The following KIAA1671 variants were observed in gnomAD, a reference collection of about 807,000 sequenced individuals.
KIAA1671 encodes KIAA1671.
In KIAA1671, 52 loss-of-function variants were observed where a neutral mutation model predicts 131.2. The observed-to-expected ratio is 0.40, with a 90% CI of 0.32 to 0.50. The LOEUF (loss-of-function observed/expected upper bound fraction) is 0.50. KIAA1671 is among the 20% of genes least tolerant of loss of function. The probability of loss-of-function intolerance (pLI) is 0.73; values close to 1 mark genes in which losing one functional copy is unlikely to be tolerated. For missense variants in KIAA1671, 2,360 were observed against 2,364.2 expected, an observed-to-expected ratio of 1.00 and a Z score of 0.04; for synonymous variants, 1,003 against 961.6, an observed-to-expected ratio of 1.04 and a Z score of -0.80.
rs1926039255 is a variant in KIAA1671, at chr22:25,027,925, T to C, written c.-55-20T>C. 2 of 1,153,404 alleles carry C rather than the reference T, an allele frequency of 1.7e-6. No homozygotes were observed. Among genetic ancestry groups the C allele is most frequent in the East Asian group, 2.6e-5 (1 of 38,104 alleles). 71.4% of individuals were successfully genotyped at this position (1,153,404 alleles called of 1,614,324 possible). ...TGACTGTTTTCCAAATTTACTTGTT[T>C]GTTTGTTTTGTTTGTTTAGCAATTG... On this transcript the variant is annotated intron_variant, in intron 2 of 12. Coordinates refer to ENST00000358431, the MANE Select transcript of KIAA1671 (RefSeq NM_001145206.2).
At position 25,181,807 on chromosome 22, in the gene KIAA1671, A is replaced by G. The variant is rs1934285927; in HGVS notation, c.5183A>G (p.Asp1728Gly). The stretch of plus-strand genomic sequence containing the variant: ...AGGATGCCTGCGTTTCCAGGCATGG[A>G]TCCGGCAGTGCTAAAGGTACCAGAC... ...PQRMPAFPGM[D>G]PAVLKAQLHK... Residue 1728 changes from aspartate (D) to glycine (G), a missense_variant, in exon 10 of 13, where the codon GAT becomes GGT. Asp to Gly is a moderately conservative substitution (Grantham distance 94, BLOSUM62 -1). This residue lies in a region of KIAA1671 where 1,161 missense variants were observed against 1,204.7 expected (regional missense o/e 0.96). Transcript: ENST00000358431. 1.9e-6 allele frequency: 3 copies of G among 1,551,368 alleles called. No homozygotes were observed. Among genetic ancestry groups the G allele is most frequent in the Non-Finnish European group, 2.6e-6 (3 of 1,146,906 alleles).
rs1211770878 is a variant in KIAA1671 at position 25,093,837 on chromosome 22, TG to T, written c.4530+44474del. Among the ~76,000 whole-genome samples the T allele has an allele frequency of 1.7e-3, 119 of 71,300 alleles. 8 individuals are homozygous for T. The highest frequency in any genetic ancestry group is 0.017 in the East Asian group (40 of 2,402). 46.8% of individuals were successfully genotyped at this position (71,300 alleles called of 152,430 possible). A position where few individuals can be genotyped will look rare whatever the true frequency, so the allele number is the denominator to read the frequency against. On this transcript the variant is annotated intron_variant, in intron 6 of 12. Transcript: ENST00000358431. ...GTCTCTCTCTCTTTCTCTCTCTGTC[TG>T]TCTCTCTCTCTCTCTCTCTCTCTCT... is the stretch of plus-strand genomic sequence containing the variant.
At chr22:25,140,159 A>C (rs1382326223) in intron 6 of KIAA1671, among the ~76,000 whole-genome samples, 2 of 152,178 alleles carry the variant, frequency 1.3e-5, no homozygotes, top group African/African-American at 4.8e-5. Context: ...CGACGGGAGA[A>C]TCTGCTTCCA....
rs552508455 is a variant in KIAA1671, at chr22:24,955,948, C to T, written c.-208+3176C>T. Among the ~76,000 whole-genome samples, 12 of 147,516 alleles carry T rather than the reference C, an allele frequency of 8.1e-5. No homozygotes were observed. The South Asian group carries it at 1.1e-3, about 13-fold the overall frequency. On this transcript the variant is annotated intron_variant, in intron 1 of 12. Transcript: ENST00000358431. ...GCTGAGGCAGGAGAATGGCATGAAC[C>T]GGGGAGGCGGAGCTTGCAGTGAAGC...
intron 1 of KIAA1671, among the ~76,000 whole-genome samples, chr22:24,979,150 C>T (rs1345746758): frequency 2.0e-5 from 3 of 149,232 alleles, no homozygotes; most frequent in Admixed American, 1.3e-4. Context: ...CGCACATCAC[C>T]ATGCCTGGCT....
intron 6 of KIAA1671, chr22:25,058,288 A>G (rs1028444323): frequency 5.4e-4 from 82 of 152,322 alleles, no homozygotes; most frequent in African/African-American, 1.8e-3. Context: ...CCAGTTTCCA[A>G]CTGTCATCAC....
chr22:25,145,837 G>A (rs1932868514), intron 6 of KIAA1671, among the ~76,000 whole-genome samples: 2 of 152,130 alleles, frequency 1.3e-5, no homozygotes, highest in African/African-American at 2.4e-5. Flanking sequence ...CTACTCAGGA[G>A]GCTGAGGTGG....
At chr22:25,097,146 C>A (rs1568953466) in intron 6 of KIAA1671, among the ~76,000 whole-genome samples, 1 of 152,196 alleles carries the variant, frequency 6.6e-6, no homozygotes, top group Non-Finnish European at 1.5e-5. Flanking sequence ...AGTGAGACGG[C>A]CTTATCATAT....
At chr22:25,067,987 TC>T (rs1465714631) in intron 6 of KIAA1671, among the ~76,000 whole-genome samples, 1 of 152,262 alleles carries the variant, frequency 6.6e-6, no homozygotes, top group African/African-American at 2.4e-5. Flanking sequence ...GCATCATCCC[TC>T]CAGCGGTGCC....
At chr22:25,139,728 C>T (rs993335995) in intron 6 of KIAA1671, among the ~76,000 whole-genome samples, 2 of 152,096 alleles carry the variant, frequency 1.3e-5, no homozygotes, top group Non-Finnish European at 2.9e-5. Context: ...TTTTGGGGGA[C>T]ATATGTACTT....
rs941433244 is a variant in KIAA1671, at chr22:25,032,633, C to T, written c.1566C>T (p.Asn522=). 55 of 1,546,020 alleles carry T rather than the reference C, an allele frequency of 3.6e-5. No homozygotes were observed. In the Admixed American group the frequency reaches 8.4e-4, roughly 24 times the overall value. The part of the protein sequence containing the change: ...TKLFSSSASS[N]EVKYEKSAEL... The stretch of plus-strand genomic sequence containing the variant: ...GGTTTTCAAGTTCAGCTTCCAGCAA[C>T]GAAGTCAAATATGAGAAGAGTGCTG... The change falls in exon 4 of 13, where the codon AAC becomes AAT. Residue 522 remains asparagine, a synonymous_variant. Transcript: ENST00000358431.
At chr22:25,096,173 T>C (rs1930380870) in intron 6 of KIAA1671, among the ~76,000 whole-genome samples, 1 of 152,168 alleles carries the variant, frequency 6.6e-6, no homozygotes, top group Non-Finnish European at 1.5e-5. Flanking sequence ...ATCTGCAGGG[T>C]ACACGGCGAA....
At chr22:24,996,690 G>A (rs1169221099) in intron 1 of KIAA1671, among the ~76,000 whole-genome samples, 2 of 152,202 alleles carry the variant, frequency 1.3e-5, no homozygotes, top group Non-Finnish European at 2.9e-5. Flanking sequence ...CCTGCCTTGG[G>A]GCAAGGGTAA....
At chr22:25,074,514 A>AAG (rs1555876093) in intron 6 of KIAA1671, among the ~76,000 whole-genome samples, 2 of 117,426 alleles carry the variant, frequency 1.7e-5, no homozygotes, top group African/African-American at 3.7e-5. Context: ...AAAAAAAAAA[A>AAG]AAAGAAAGAA....
rs796789035 is a variant in KIAA1671 at position 25,000,511 on chromosome 22, A to T, written c.-207-25122A>T. On this transcript the variant is annotated intron_variant, in intron 1 of 12. Transcript: ENST00000358431. Reference sequence around the variant, plus strand: ...CCCGGCCTTTTTTTTTTTTTTTTTTAAATGTAGCTTTCGATGTTGTTGTTG... The same window carrying T: ...CCCGGCCTTTTTTTTTTTTTTTTTTTAATGTAGCTTTCGATGTTGTTGTTG... Among the ~76,000 whole-genome samples, 81 of 119,182 alleles carry T rather than the reference A, an allele frequency of 6.8e-4. 7 individuals carry two copies. The highest frequency in any genetic ancestry group is 2.1e-3 in the African/African-American group (66 of 30,906). The allele number at this position is 119,182 out of a possible 152,430, so 78.2% of individuals were successfully genotyped here.
chr22:25,067,098 C>T (rs1928514635), intron 6 of KIAA1671, among the ~76,000 whole-genome samples: 1 of 152,146 alleles, frequency 6.6e-6, no homozygotes, highest in African/African-American at 2.4e-5. Flanking sequence ...GGACTGGGCA[C>T]TGGGGGCAGC....
chr22:25,008,453 A>T (rs1255198593), intron 1 of KIAA1671, among the ~76,000 whole-genome samples: 1 of 152,114 alleles, frequency 6.6e-6, no homozygotes, highest in Non-Finnish European at 1.5e-5. Context: ...GGGTATTAAC[A>T]GACATGCATG....
chr22:25,124,247 C>T (rs991538848), intron 6 of KIAA1671, among the ~76,000 whole-genome samples: 2 of 152,204 alleles, frequency 1.3e-5, no homozygotes, highest in Non-Finnish European at 1.5e-5. Flanking sequence ...TAAACAGCAG[C>T]GACCGCTATG....
At chr22:25,093,875 TCTCTCTCTCTC>T (rs1930269238) in intron 6 of KIAA1671, among the ~76,000 whole-genome samples, 1 of 142,040 alleles carries the variant, frequency 7.0e-6, no homozygotes, top group Non-Finnish European at 1.6e-5. Context: ...TCTCTCTCTC[TCTCTCTCTCTC>T]CCTTCTGCTT....
Sources: allele counts gnomAD v4.1 joint callset (sites outside exome capture counted in the v4.1 genomes callset), GRCh38; gene constraint gnomAD v4.1.1; regional missense constraint gnomAD v4.1.1; transcripts MANE v1.5; gene names NCBI Gene and HGNC (gene_info 2026-07-23, HGNC 2026-07-21).